The following MYO3B variants were observed in gnomAD, a reference collection of about 807,000 sequenced individuals.
MYO3B encodes the protein myosin-IIIb.
A neutral mutation model predicts 174.6 loss-of-function variants in MYO3B; 156 were observed. The ratio of observed to expected loss-of-function variants is 0.89; its 90% CI spans 0.78 to 1.02. The LOEUF is 1.02. Among genes scored for constraint, MYO3B ranks in the 50% least tolerant of loss-of-function variants. MYO3B has a pLI of 0.00. For missense variants in MYO3B, 1,632 were observed against 1,639.4 expected, an observed-to-expected ratio of 1.00 and a Z score of 0.08; for synonymous variants, 563 against 569.1, an observed-to-expected ratio of 0.99 and a Z score of 0.15.
At chr2:170,628,184 T>C (rs1010460922) in intron 32 of MYO3B, among the ~76,000 whole-genome samples, 5 of 152,204 alleles carry the variant, frequency 3.3e-5, no homozygotes, top group East Asian at 3.9e-4. Context: ...TTGAGCTGCA[T>C]TGGGCTCCAC....
chr2:170,264,804 TG>T (rs1306932739), intron 7 of MYO3B, among the ~76,000 whole-genome samples: 1 of 152,172 alleles, frequency 6.6e-6, no homozygotes, highest in Non-Finnish European at 1.5e-5. Flanking sequence ...TGAGAGACTT[TG>T]GGTGATGGCT....
chr2:170,356,614 A>C (rs922711836), intron 8 of MYO3B, among the ~76,000 whole-genome samples: 2 of 149,198 alleles, frequency 1.3e-5, no homozygotes, highest in Admixed American at 1.3e-4. Flanking sequence ...CACCCACCTC[A>C]GCCTCCCAAA....
chr2:170,271,033 T>G (rs867120066), intron 7 of MYO3B, among the ~76,000 whole-genome samples: 21 of 152,212 alleles, frequency 1.4e-4, no homozygotes, highest in Admixed American at 3.9e-4. Flanking sequence ...GAAAGGCAGT[T>G]ATATTTATTT....
chr2:170,518,052 T>C lies in MYO3B; in HGVS notation c.3473-1386T>C, dbSNP rs372144338. Among the ~76,000 whole-genome samples the C allele has an allele frequency of 5.9e-5, 9 of 152,148 alleles. No homozygotes were observed. In the South Asian group the frequency reaches 1.9e-3, roughly 32 times the overall value. Reference sequence around the variant, plus strand: ...TGTATTAATGTCTCACTTAAATTTTTCTCTTTTGGTGTTTGTAGCAATAAT... The same window carrying C: ...TGTATTAATGTCTCACTTAAATTTTCCTCTTTTGGTGTTTGTAGCAATAAT... On this transcript the variant is annotated intron_variant, in intron 29 of 34. Transcript: ENST00000408978.
At chr2:170,598,726 A>G (rs1694303480) in intron 32 of MYO3B, among the ~76,000 whole-genome samples, 1 of 152,144 alleles carries the variant, frequency 6.6e-6, no homozygotes, top group Non-Finnish European at 1.5e-5. Context: ...TTGTATGAAC[A>G]AGCCATTTCC....
chr2:170,652,993 G>A lies in MYO3B; in HGVS notation c.3898G>A (p.Val1300Ile), dbSNP rs894250564. ...TTTTCTTTGTTGCAGCCAAATCAAA[G>A]TACTTGATGGGGAAGATGAATATTA... Reference protein sequence around the residue: ...RKPRKLGQIKVLDGEDEYYKS... With the variant: ...RKPRKLGQIKILDGEDEYYKS... The change falls in exon 35 of 35, where the codon GTA (valine) becomes ATA (isoleucine). Residue 1300 changes from valine (V) to isoleucine (I), a missense_variant. By Grantham distance (29) the Val-to-Ile change is conservative (BLOSUM62 3). Transcript: ENST00000408978. 1.2e-6 allele frequency: 2 copies of A among 1,613,830 alleles called. No homozygotes were observed. The highest frequency in any genetic ancestry group is 1.7e-6 in the Non-Finnish European group (2 of 1,179,952).
At chr2:170,365,046 A>G (rs767836415) in intron 8 of MYO3B, among the ~76,000 whole-genome samples, 2 of 152,150 alleles carry the variant, frequency 1.3e-5, no homozygotes, top group Non-Finnish European at 2.9e-5. Flanking sequence ...TTTAGTTCCA[A>G]AACTTCCCCC....
At chr2:170,334,268 G>T (rs1429457071) in intron 7 of MYO3B, 1 of 152,166 alleles carries the variant, frequency 6.6e-6, no homozygotes. Context: ...CTAGCCGTAA[G>T]GAACTCAAGA....
chr2:170,599,771 T>C (rs1694385120), intron 32 of MYO3B, among the ~76,000 whole-genome samples: 1 of 152,130 alleles, frequency 6.6e-6, no homozygotes, highest in African/African-American at 2.4e-5. Context: ...AAAAAGTTCT[T>C]TTTGATGTGT....
chr2:170,234,301 A>G (rs2093047992), intron 6 of MYO3B, among the ~76,000 whole-genome samples: 1 of 152,140 alleles, frequency 6.6e-6, no homozygotes, highest in African/African-American at 2.4e-5. Flanking sequence ...ATTTTCTCAC[A>G]GTTCTAGAGG....
chr2:170,460,989 CTGTTA>C (rs1684248806), intron 23 of MYO3B, among the ~76,000 whole-genome samples: 2 of 152,146 alleles, frequency 1.3e-5, no homozygotes, highest in Non-Finnish European at 2.9e-5. Flanking sequence ...TGCTAAGTGT[CTGTTA>C]TAAGTTCTGA....
chr2:170,451,165 A>G (rs897795755), intron 23 of MYO3B, among the ~76,000 whole-genome samples: 3 of 152,262 alleles, frequency 2.0e-5, no homozygotes, highest in Non-Finnish European at 4.4e-5. Flanking sequence ...GCAACCTTGC[A>G]TGTAAAACTC....
chr2:170,182,206 G>T (rs887761979), intron 1 of MYO3B, among the ~76,000 whole-genome samples: 5 of 151,618 alleles, frequency 3.3e-5, no homozygotes, highest in African/African-American at 1.2e-4. Flanking sequence ...TATTCTACTT[G>T]AAAATATTTC....
At chr2:170,373,368 G>C (rs1034448342) in intron 9 of MYO3B, among the ~76,000 whole-genome samples, 1 of 152,192 alleles carries the variant, frequency 6.6e-6, no homozygotes, top group South Asian at 2.1e-4. Flanking sequence ...GCCCAAAAGA[G>C]AGTTCTTCAA....
intron 6 of MYO3B, among the ~76,000 whole-genome samples, chr2:170,223,464 T>C (rs2092922058): frequency 6.6e-6 from 1 of 152,228 alleles, no homozygotes; most frequent in Non-Finnish European, 1.5e-5. Context: ...ATTGATGTTG[T>C]AGATAAAGAA....
chr2:170,516,630 C>T (rs924606160), intron 29 of MYO3B, among the ~76,000 whole-genome samples: 1 of 142,364 alleles, frequency 7.0e-6, no homozygotes, highest in Admixed American at 7.1e-5. Context: ...GCAACAGAGC[C>T]AGACTCCGTC....
At chr2:170,567,052 G>T (rs767280914) in intron 32 of MYO3B, among the ~76,000 whole-genome samples, 23 of 152,032 alleles carry the variant, frequency 1.5e-4, no homozygotes, top group Non-Finnish European at 3.1e-4. Context: ...AAAAAGAGGT[G>T]GTAGAATCTT....
chr2:170,245,403 A>G (rs1406289755), intron 7 of MYO3B, among the ~76,000 whole-genome samples: 1 of 152,220 alleles, frequency 6.6e-6, no homozygotes, highest in East Asian at 1.9e-4. Flanking sequence ...ATGAGGTTTG[A>G]TAGAGCACCC....
At chr2:170,563,211 G>A (rs777216969) in intron 32 of MYO3B, among the ~76,000 whole-genome samples, 2 of 151,824 alleles carry the variant, frequency 1.3e-5, no homozygotes, top group Non-Finnish European at 2.9e-5. Flanking sequence ...ACTCAAATTA[G>A]GATAATTGGA....
Sources: gnomAD v4.1 joint callset for allele counts (sites outside exome capture counted in the v4.1 genomes callset) on GRCh38, gnomAD v4.1.1 for gene constraint, MANE v1.5 for transcripts, NCBI Gene and HGNC (gene_info 2026-07-23, HGNC 2026-07-21) for gene names.